Variants in AMPH observed in about 807,000 individuals in gnomAD.
The protein encoded by AMPH is amphiphysin, also known as amphiphysin (Stiff-Mann syndrome with breast cancer 128kD autoantigen).
A neutral mutation model predicts 99.1 loss-of-function variants in AMPH; 49 were observed. The observed-to-expected ratio is 0.49, with a 90% CI of 0.39 to 0.63. The LOEUF (loss-of-function observed/expected upper bound fraction) is 0.63, where lower values mean the gene tolerates loss of function less well. AMPH is among the 20% of genes least tolerant of loss of function. The pLI is 0.00. For synonymous variants in AMPH, 314 were observed against 317.3 expected, an observed-to-expected ratio of 0.99 and a Z score of 0.11; for missense variants, 759 against 863.4, an observed-to-expected ratio of 0.88 and a Z score of 1.52.
intron 1 of AMPH, among the ~76,000 whole-genome samples, chr7:38,555,085 CA>C (rs1271577074): frequency 5.9e-5 from 9 of 152,204 alleles, no homozygotes; most frequent in Admixed American, 3.3e-4. Flanking sequence ...ACAACTTGGC[CA>C]TGGCATTTGA....
chr7:38,403,854 A>G (rs1030729987), intron 17 of AMPH, among the ~76,000 whole-genome samples: 1 of 152,240 alleles, frequency 6.6e-6, no homozygotes, highest in Non-Finnish European at 1.5e-5. Flanking sequence ...GGGCAAGTGC[A>G]CTTGGAGAAA....
intron 19 of AMPH, 140 bp downstream of exon 19, chr7:38,391,608 A>G: frequency 1.2e-6 from 1 of 819,594 alleles, no homozygotes; most frequent in Non-Finnish European, 1.9e-6. Flanking sequence ...GGCTTGTCCA[A>G]GTGATGTTGT....
chr7:38,552,989 C>A (rs886303420), intron 1 of AMPH, among the ~76,000 whole-genome samples: 3 of 152,174 alleles, frequency 2.0e-5, no homozygotes, highest in African/African-American at 7.2e-5. Context: ...ACTGCATTAC[C>A]CAGGTTCCCT....
intron 1 of AMPH, among the ~76,000 whole-genome samples, chr7:38,549,434 G>A (rs1476412335): frequency 6.6e-6 from 1 of 152,062 alleles, no homozygotes; most frequent in Non-Finnish European, 1.5e-5. Flanking sequence ...ACAATTTTTG[G>A]GAAAAAGGAG....
intron 11 of AMPH, among the ~76,000 whole-genome samples, chr7:38,456,785 G>T (rs1221888571): frequency 6.6e-6 from 1 of 152,152 alleles, no homozygotes; most frequent in East Asian, 1.9e-4. Flanking sequence ...TGGAGCCCAA[G>T]AATCAGCCTG....
intron 2 of AMPH, among the ~76,000 whole-genome samples, chr7:38,506,423 C>T (rs1789326756): frequency 6.6e-6 from 1 of 152,140 alleles, no homozygotes; most frequent in South Asian, 2.1e-4. Flanking sequence ...AAGTGGTGGT[C>T]AAGCAACGGA....
rs1562764301 is a variant in AMPH at position 38,451,330 on chromosome 7, T to TATATACATATATACGTTATATACAC, written c.1017+9952_1017+9953insGTGTATATAACGTATATATGTATAT. ...GTGTGTATATACACATATATACACA[T>TATATACATATATACGTTATATACAC]GTATATATACATATATACGTTATAT... On this transcript the variant is annotated intron_variant, in intron 11 of 20. Transcript: ENST00000356264. Among the ~76,000 whole-genome samples the TATATACATATATACGTTATATACAC allele has an allele frequency of 2.2e-4, 28 of 129,070 alleles. 1 individual carries two copies. The highest frequency in any genetic ancestry group is 1.0e-3 in the African/African-American group (27 of 26,178). 84.7% of individuals were successfully genotyped at this position (129,070 alleles called of 152,430 possible).
At chr7:38,582,019 C>A (rs563632215) in intron 1 of AMPH, among the ~76,000 whole-genome samples, 1 of 152,136 alleles carries the variant, frequency 6.6e-6, no homozygotes, top group Admixed American at 6.5e-5. Flanking sequence ...AGAAGAGAGG[C>A]TGAGGCTGGA....
intron 20 of AMPH, among the ~76,000 whole-genome samples, chr7:38,389,449 C>G (rs1233441763): frequency 6.6e-6 from 1 of 152,154 alleles, no homozygotes; most frequent in Non-Finnish European, 1.5e-5. Flanking sequence ...AGGTTCTTTC[C>G]TCATCAATAT....
intron 1 of AMPH, among the ~76,000 whole-genome samples, chr7:38,618,720 C>A (rs1265352514): frequency 2.0e-5 from 3 of 151,918 alleles, no homozygotes; most frequent in Non-Finnish European, 4.4e-5. Flanking sequence ...AATCCCAGGG[C>A]AACCACTAAG....
In AMPH at chr7:38,410,413, G is replaced by T. The variant is rs548535242; in HGVS notation, c.1398+7412C>A. ...GAAGCTTGAGGAGGGGCAGGCAGCTGAAAGTCACACTTGGAAGGCCTGACT... is the reference window on the plus strand; with the variant it reads ...GAAGCTTGAGGAGGGGCAGGCAGCTTAAAGTCACACTTGGAAGGCCTGACT... On this transcript the variant is annotated intron_variant, in intron 17 of 20. Coordinates refer to ENST00000356264, the MANE Select transcript of AMPH (RefSeq NM_001635.4). Among the ~76,000 whole-genome samples, 18 of 152,338 alleles carry T rather than the reference G, an allele frequency of 1.2e-4. No individual in the cohort carries two copies. In the South Asian group the frequency reaches 3.7e-3, roughly 32 times the overall value.
chr7:38,471,232 C>T (rs990850372), intron 7 of AMPH, among the ~76,000 whole-genome samples: 2 of 152,204 alleles, frequency 1.3e-5, no homozygotes, highest in African/African-American at 4.8e-5. Context: ...ATATCTGCTT[C>T]AACCCACAGG....
At chr7:38,550,842 T>A (rs963371694) in intron 1 of AMPH, among the ~76,000 whole-genome samples, 1 of 152,214 alleles carries the variant, frequency 6.6e-6, no homozygotes, top group Non-Finnish European at 1.5e-5. Flanking sequence ...ATTAGATTTG[T>A]ATAAAAAGAT....
chr7:38,599,724 G>A (rs1024798765), intron 1 of AMPH, among the ~76,000 whole-genome samples: 3 of 151,804 alleles, frequency 2.0e-5, no homozygotes, highest in Admixed American at 1.3e-4. Flanking sequence ...AATTTGGTCT[G>A]TATTTGGTCT....
At chr7:38,408,268 T>G (rs1785109365) in intron 17 of AMPH, among the ~76,000 whole-genome samples, 1 of 152,228 alleles carries the variant, frequency 6.6e-6, no homozygotes. Flanking sequence ...GAGTGTATTC[T>G]TATAAACAGT....
chr7:38,565,148 C>T (rs114306784), intron 1 of AMPH, among the ~76,000 whole-genome samples: 17 of 151,138 alleles, frequency 1.1e-4, no homozygotes, highest in African/African-American at 4.1e-4. Flanking sequence ...AAGAAAAGAA[C>T]CTTCCTGGGA....
chr7:38,627,462 T>C (rs2129073183), intron 1 of AMPH, among the ~76,000 whole-genome samples: 1 of 151,326 alleles, frequency 6.6e-6, no homozygotes, highest in East Asian at 1.9e-4. Flanking sequence ...GAGACCATCC[T>C]GGCTAACACG....
intron 17 of AMPH, among the ~76,000 whole-genome samples, chr7:38,409,746 C>T (rs75052742): frequency 0.016 from 2,446 of 152,226 alleles, 63 homozygotes; most frequent in African/African-American, 0.056. Flanking sequence ...GCCATGGCAA[C>T]GTCTGTTAGA....
In AMPH at chr7:38,463,024, G is replaced by A; in HGVS notation, c.839C>T (p.Thr280Ile). 1 of 1,608,936 alleles carries A rather than the reference G, an allele frequency of 6.2e-7. No individual in the cohort carries two copies. The highest frequency in any genetic ancestry group is 1.3e-5 in the African/African-American group (1 of 74,898). The change falls in exon 10 of 21, where the codon ACA (threonine) becomes ATA (isoleucine). Residue 280 changes from threonine to isoleucine, a missense_variant. Physicochemically the swap from Thr to Ile is moderately conservative, Grantham distance 89. Around this residue, in one of 2 missense-constraint regions of AMPH, gnomAD observed 554 missense variants for 575.6 expected, o/e 0.96. Transcript: ENST00000356264. ...LPSPTASPNHTLAPASPAPAR... is the reference protein window; with the variant it reads ...LPSPTASPNHILAPASPAPAR... ...TGGTGCGGGAGACGCAGGTGCTAAT[G>A]TATGATTTGGACTTGCTGTCGGGCT...
Sources: gnomAD v4.1 joint callset for allele counts (sites outside exome capture counted in the v4.1 genomes callset) on GRCh38, gnomAD v4.1.1 for gene constraint, gnomAD v4.1.1 regional missense constraint, MANE v1.5 for transcripts, NCBI Gene and HGNC (gene_info 2026-07-23, HGNC 2026-07-21) for gene names.